Variants in PAX7 observed in about 807,000 individuals in gnomAD.
PAX7 encodes paired box 7.
Under a neutral mutation model 50.7 loss-of-function variants are expected in PAX7, and 18 were observed. The ratio of observed to expected loss-of-function variants is 0.36; its 90% CI spans 0.25 to 0.53. The LOEUF is 0.53. PAX7 is among the 20% of genes least tolerant of loss of function. The pLI, the probability that PAX7 is intolerant of heterozygous loss-of-function variation, is 0.93. For missense variants in PAX7, 644 were observed against 702.9 expected, an observed-to-expected ratio of 0.92 and a Z score of 0.95; for synonymous variants, 310 against 290.4, an observed-to-expected ratio of 1.07 and a Z score of -0.69.
chr1:18,690,472 G>A (rs2089051244), intron 4 of PAX7, among the ~76,000 whole-genome samples: 1 of 152,202 alleles, frequency 6.6e-6, no homozygotes, highest in Non-Finnish European at 1.5e-5. Context: ...GGTCAGACGT[G>A]GGCAGGAGCC....
chr1:18,691,276 G>A (rs956735399), intron 4 of PAX7, among the ~76,000 whole-genome samples: 2 of 152,152 alleles, frequency 1.3e-5, no homozygotes, highest in African/African-American at 4.8e-5. Flanking sequence ...ACCATACATG[G>A]AGGCCTTTTT....
chr1:18,682,162 C>T (rs2088910857), intron 4 of PAX7, among the ~76,000 whole-genome samples: 1 of 152,236 alleles, frequency 6.6e-6, no homozygotes, highest in Non-Finnish European at 1.5e-5. Flanking sequence ...ACTCTCCTCC[C>T]TCCCTCCTCT....
intron 4 of PAX7, among the ~76,000 whole-genome samples, chr1:18,678,118 A>G (rs1190002344): frequency 6.8e-6 from 1 of 146,544 alleles, no homozygotes; most frequent in East Asian, 2.1e-4. Flanking sequence ...GAAAGAAAGA[A>G]AAGAAGCATT....
intron 8 of PAX7, chr1:18,736,086 T>C (rs1320612332): frequency 3.5e-6 from 3 of 847,862 alleles, no homozygotes; most frequent in Non-Finnish European, 5.7e-6. Context: ...TGGCTAAGCC[T>C]CTGCTTCCGT....
At chr1:18,716,507 T>TG (rs57933353) in intron 7 of PAX7, among the ~76,000 whole-genome samples, 90,332 of 149,730 alleles carry the variant, frequency 0.6, 28,027 homozygotes, top group Non-Finnish European at 0.69. Flanking sequence ...GTTTTTTGTT[T>TG]TTTGTTTTTT....
chr1:18,677,534 A>G (rs903619496), intron 4 of PAX7, among the ~76,000 whole-genome samples: 8 of 152,130 alleles, frequency 5.3e-5, no homozygotes, highest in Non-Finnish European at 1.0e-4. Flanking sequence ...TTCTCTGTAC[A>G]CCTTGTTAGG....
intron 7 of PAX7, among the ~76,000 whole-genome samples, chr1:18,723,721 G>A (rs753140975): frequency 6.6e-6 from 1 of 152,202 alleles, no homozygotes; most frequent in Non-Finnish European, 1.5e-5. Context: ...CCATGGCGGG[G>A]GGACCCAAAT....
intron 4 of PAX7, among the ~76,000 whole-genome samples, chr1:18,684,393 A>G (rs1356864493): frequency 6.6e-6 from 1 of 152,206 alleles, no homozygotes. Context: ...GGGACGCTTC[A>G]TCCTCTCCTG....
Position 18,726,139 on chromosome 1 carries a change from A to AGT in PAX7, c.1156-9489_1156-9488dup, listed in dbSNP as rs1456977323. Among the ~76,000 whole-genome samples, 1 of 97,074 alleles carries AGT rather than the reference A, an allele frequency of 1.0e-5. No individual in the cohort carries two copies. The highest frequency in any genetic ancestry group is 3.6e-4 in the South Asian group (1 of 2,786). 63.7% of individuals were successfully genotyped at this position (97,074 alleles called of 152,430 possible). A position where few individuals can be genotyped will look rare whatever the true frequency, so the allele number is the denominator to read the frequency against. On this transcript the variant is annotated intron_variant, in intron 7 of 8. Coordinates refer to ENST00000420770, the MANE Select transcript of PAX7 (RefSeq NM_001135254.2). This position sits in a 1 kb window ranked among gnomAD's most constrained non-coding sequence, Gnocchi z 4.8. ...CATCTTATAAAACAGACATTGGAAG[A>AGT]GTGTGAGTGTGTGTGTGTGTGTGTG...
chr1:18,635,210 G>C lies in PAX7; in HGVS notation c.421G>C (p.Gly141Arg). ...WEIRDRLLKD[G>R]HCDRSTVPSG... ...GATCCGGGACAGGCTGCTGAAGGAT[G>C]GGCACTGTGACCGAAGCACTGTGCC... Residue 141 changes from glycine (G) to arginine (R), a missense_variant, in exon 3 of 9, where the codon GGG becomes CGG. Transcript: ENST00000420770. The C allele has an allele frequency of 6.2e-7, 1 of 1,613,864 alleles. No individual in the cohort carries two copies. Among genetic ancestry groups the C allele is most frequent in the Non-Finnish European group, 8.5e-7 (1 of 1,179,896 alleles).
intron 4 of PAX7, among the ~76,000 whole-genome samples, chr1:18,654,465 G>A (rs2088481957): frequency 6.6e-6 from 1 of 152,180 alleles, no homozygotes; most frequent in South Asian, 2.1e-4. Context: ...ATGACAAAAT[G>A]CAACACAGTA....
At chr1:18,640,655 A>G (rs2088236925) in intron 4 of PAX7, among the ~76,000 whole-genome samples, 1 of 152,186 alleles carries the variant, frequency 6.6e-6, no homozygotes, top group African/African-American at 2.4e-5. Flanking sequence ...CGGGTTGGCA[A>G]TCTAATCAAA....
chr1:18,652,862 G>A (rs1320431166), intron 4 of PAX7, among the ~76,000 whole-genome samples: 1 of 152,190 alleles, frequency 6.6e-6, no homozygotes, highest in Non-Finnish European at 1.5e-5. Context: ...AACTGAGCCA[G>A]GTGCTCTATA....
intron 4 of PAX7, among the ~76,000 whole-genome samples, chr1:18,654,393 G>T (rs2088481010): frequency 6.6e-6 from 1 of 152,256 alleles, no homozygotes; most frequent in African/African-American, 2.4e-5. Flanking sequence ...AGAGCGTGAA[G>T]TGGAGGGGCT....
chr1:18,640,875 C>A (rs1227549210), intron 4 of PAX7, among the ~76,000 whole-genome samples: 10 of 145,658 alleles, frequency 6.9e-5, no homozygotes, highest in Admixed American at 1.4e-4. Flanking sequence ...CGGAGAGGGG[C>A]GTGCGGAGCT....
chr1:18,678,257 C>A (rs1250018165), intron 4 of PAX7, among the ~76,000 whole-genome samples: 1 of 151,922 alleles, frequency 6.6e-6, no homozygotes, highest in African/African-American at 2.4e-5. Flanking sequence ...ACTAAAAATA[C>A]AAAATTAGCT....
At position 18,636,145 on chromosome 1, in the gene PAX7, G is replaced by T; in HGVS notation, c.452-92G>T. Reference sequence around the variant, plus strand: ...GAATGGATATCTGTAAGGAAGCAGGGGGCTTCCTGACTTTCTCCCAGGGGC... The same window carrying T: ...GAATGGATATCTGTAAGGAAGCAGGTGGCTTCCTGACTTTCTCCCAGGGGC... On this transcript the variant is annotated intron_variant, in intron 3 of 8. Transcript: ENST00000420770. This position sits in a 1 kb window ranked among gnomAD's most constrained non-coding sequence, Gnocchi z 5.1. 7.6e-7 allele frequency: 1 copy of T among 1,308,606 alleles called. No individual in the cohort carries two copies. Among genetic ancestry groups the T allele is most frequent in the Non-Finnish European group, 1.1e-6 (1 of 928,770 alleles). The allele number at this position is 1,308,606 out of a possible 1,614,324, so 81.1% of individuals were successfully genotyped here.
At chr1:18,641,953 TCC>T (rs111618204) in intron 4 of PAX7, among the ~76,000 whole-genome samples, 118 of 138,888 alleles carry the variant, frequency 8.5e-4, no homozygotes, top group Middle Eastern at 4.0e-3. Context: ...CGGATTAACC[TCC>T]CCCCCCCCAA....
chr1:18,652,460 A>G (rs1156384033), intron 4 of PAX7, among the ~76,000 whole-genome samples: 1 of 152,210 alleles, frequency 6.6e-6, no homozygotes, highest in Non-Finnish European at 1.5e-5. Flanking sequence ...GGCTTGACAA[A>G]TATAAAGCAG....
Sources: allele counts gnomAD v4.1 joint callset (sites outside exome capture counted in the v4.1 genomes callset), GRCh38; gene constraint gnomAD v4.1.1; non-coding constraint Gnocchi (gnomAD v3.1); transcripts MANE v1.5; gene names NCBI Gene and HGNC (gene_info 2026-07-23, HGNC 2026-07-21).